DYM: variants seen among roughly 807,000 people sequenced by gnomAD.
The protein encoded by DYM is dyggve-Melchior-Clausen syndrome protein.
Under a neutral mutation model 93.1 loss-of-function variants are expected in DYM, and 78 were observed. The observed-to-expected ratio is 0.84, with a 90% CI of 0.70 to 1.01. The LOEUF (loss-of-function observed/expected upper bound fraction) is 1.01, where lower values mean the gene tolerates loss of function less well. Ranked by LOEUF, DYM falls within the 50% of genes least tolerant of loss-of-function variation. The pLI is 0.00. For synonymous variants in DYM, 321 were observed against 319.7 expected (o/e 1.00, Z -0.04); for missense variants, 789 against 845.0 (o/e 0.93, Z 0.82).
At chr18:49,395,534 C>G (rs886276691) in intron 2 of DYM, among the ~76,000 whole-genome samples, 4 of 151,688 alleles carry the variant, frequency 2.6e-5, no homozygotes, top group Admixed American at 2.0e-4. Context: ...GAGGCTGAGG[C>G]AGGAGAATCG....
intron 17 of DYM, among the ~76,000 whole-genome samples, chr18:49,091,347 G>T (rs2079032594): frequency 6.6e-6 from 1 of 152,134 alleles, no homozygotes; most frequent in African/African-American, 2.4e-5. Context: ...AGTAGGATTG[G>T]GGGGCTGGGA....
chr18:49,263,611 T>C (rs118030176), intron 11 of DYM, among the ~76,000 whole-genome samples: 4,411 of 151,674 alleles, frequency 0.029, 96 homozygotes, highest in South Asian at 0.072. Flanking sequence ...GCACTTGTAA[T>C]CCCAGCTACT....
chr18:49,384,625 A>AG (rs1491092286), intron 3 of DYM, among the ~76,000 whole-genome samples: 2 of 1,574 alleles, frequency 1.3e-3, no homozygotes, highest in African/African-American at 3.1e-3. Context: ...ACTCCATCTC[A>AG]AAAAAAAAAA....
intron 6 of DYM, among the ~76,000 whole-genome samples, chr18:49,361,570 T>C (rs1271700058): frequency 6.6e-6 from 1 of 152,166 alleles, no homozygotes; most frequent in Non-Finnish European, 1.5e-5. Flanking sequence ...ATAGATACAA[T>C]AATAATGGTT....
intron 4 of DYM, among the ~76,000 whole-genome samples, 171 bp from the exon 5 acceptor site, chr18:49,378,871 ATAT>A (rs1004568344): frequency 3.3e-5 from 5 of 152,254 alleles, no homozygotes; most frequent in Non-Finnish European, 7.4e-5. Context: ...TGTACCAGTG[ATAT>A]TATGTTTTAC....
intron 9 of DYM, among the ~76,000 whole-genome samples, chr18:49,286,096 AAC>A (rs2059646313): frequency 6.6e-6 from 1 of 152,064 alleles, no homozygotes; most frequent in Non-Finnish European, 1.5e-5. Flanking sequence ...AAAACTCTAG[AAC>A]ACAGACTTTA....
At chr18:49,329,225 A>G (rs1163603271) in intron 8 of DYM, among the ~76,000 whole-genome samples, 1 of 142,122 alleles carries the variant, frequency 7.0e-6, no homozygotes, top group Non-Finnish European at 1.5e-5. Context: ...ATAGCTGGGA[A>G]CTGAATAATG....
At chr18:49,206,803 A>G in intron 14 of DYM, among the ~76,000 whole-genome samples, 1 of 152,202 alleles carries the variant, frequency 6.6e-6, no homozygotes. Flanking sequence ...TATTGAAAAA[A>G]TACCCCCTGG....
At position 49,038,573 on chromosome 18, in the gene DYM, G is replaced by C. The variant is rs550469244; in HGVS notation, c.*5482C>G. Among the ~76,000 whole-genome samples, 2 of 152,176 alleles carry C rather than the reference G, an allele frequency of 1.3e-5. No homozygotes were observed. Among genetic ancestry groups the C allele is most frequent in the South Asian group, 4.1e-4 (2 of 4,822 alleles). On this transcript the variant is annotated 3_prime_UTR_variant, in exon 18 of 18. Transcript: ENST00000675505. ...GTTCTAAAAATGTCTCTTGTAAATA[G>C]CATATGGTTTAAAACAAGGCTGACA...
chr18:49,163,849 G>A (rs2087513138), intron 14 of DYM, 62 bp from the exon 15 acceptor site: 1 of 1,063,130 alleles, frequency 9.4e-7, no homozygotes, highest in Non-Finnish European at 1.4e-6. Context: ...TGTCTTCTGT[G>A]GAAATATATA....
chr18:49,455,876 G>T (rs1296631552), intron 1 of DYM, among the ~76,000 whole-genome samples: 2 of 151,426 alleles, frequency 1.3e-5, no homozygotes, highest in Non-Finnish European at 2.9e-5. Context: ...TTGAACCTGG[G>T]AGGCAGAGGT....
At chr18:49,384,393 A>T (rs1206004086) in intron 3 of DYM, among the ~76,000 whole-genome samples, 1 of 151,154 alleles carries the variant, frequency 6.6e-6, no homozygotes, top group Non-Finnish European at 1.5e-5. Flanking sequence ...TGGGAGGCCA[A>T]GGCAGGAAGA....
chr18:49,264,621 G>A (rs780176593), intron 11 of DYM, among the ~76,000 whole-genome samples: 1 of 152,150 alleles, frequency 6.6e-6, no homozygotes, highest in Non-Finnish European at 1.5e-5. Context: ...TTACTGTTCC[G>A]GGTCTCTATT....
At chr18:49,397,696 T>C (rs2070280965) in intron 2 of DYM, among the ~76,000 whole-genome samples, 1 of 152,208 alleles carries the variant, frequency 6.6e-6, no homozygotes, top group Non-Finnish European at 1.5e-5. Context: ...AGAAAACTGA[T>C]TGCTCTTAGT....
chr18:49,172,279 G>A (rs779180953), intron 14 of DYM, among the ~76,000 whole-genome samples: 14 of 152,058 alleles, frequency 9.2e-5, no homozygotes, highest in Non-Finnish European at 1.9e-4. Context: ...TATCAGTGTT[G>A]GTCTATTAAG....
At chr18:49,296,192 G>T (rs62104611) in intron 8 of DYM, among the ~76,000 whole-genome samples, 2 of 152,036 alleles carry the variant, frequency 1.3e-5, no homozygotes, top group African/African-American at 4.8e-5. Flanking sequence ...GCCTCCCAAC[G>T]TGCTAGGATT....
Position 49,038,763 on chromosome 18 carries a change from CTTA to C in DYM, c.*5289_*5291del, listed in dbSNP as rs1272837086. Among the ~76,000 whole-genome samples the C allele has an allele frequency of 3.3e-5, 5 of 152,290 alleles. No individual in the cohort carries two copies. The highest frequency in any genetic ancestry group is 7.4e-5 in the Non-Finnish European group (5 of 68,022). ...ACTGAATTGATTATTCGAATTCTCT[CTTA>C]TTATGTGGAAAGCTATACACTTTTA... On this transcript the variant is annotated 3_prime_UTR_variant, in exon 18 of 18. Coordinates refer to ENST00000675505, the MANE Select transcript of DYM (RefSeq NM_001353214.3).
At chr18:49,292,594 A>G (rs1369147414) in intron 8 of DYM, among the ~76,000 whole-genome samples, 8 of 2,142 alleles carry the variant, frequency 3.7e-3, no homozygotes, top group Admixed American at 8.3e-3. Flanking sequence ...TCCTGTTGGA[A>G]AAAAAAAAAA....
chr18:49,104,734 C>A (rs1168108243), intron 16 of DYM, among the ~76,000 whole-genome samples: 1 of 152,180 alleles, frequency 6.6e-6, no homozygotes, highest in Admixed American at 6.5e-5. Flanking sequence ...GTATGTTGAA[C>A]CAGCCTTGCA....
Sources: gnomAD v4.1 joint callset for allele counts (sites outside exome capture counted in the v4.1 genomes callset) on GRCh38, gnomAD v4.1.1 for gene constraint, MANE v1.5 for transcripts, NCBI Gene and HGNC (gene_info 2026-07-23, HGNC 2026-07-21) for gene names.